Variants in PLEKHG7 observed in about 807,000 individuals in gnomAD.
PLEKHG7 encodes the protein pleckstrin homology domain-containing family G member 7.
PLEKHG7 carries 77 observed loss-of-function variants against 85.2 expected under a neutral mutation model. That is an observed-to-expected ratio of 0.90 (90% confidence interval 0.75 to 1.09). PLEKHG7 has a LOEUF of 1.09. Ranked by LOEUF, PLEKHG7 falls within the 50% of genes least tolerant of loss-of-function variation. PLEKHG7 has a pLI of 0.00. For missense variants in PLEKHG7, 777 were observed against 804.3 expected (o/e 0.97, Z 0.41); for synonymous variants, 301 against 302.4 (o/e 1.00, Z 0.05).
chr12:92,730,451 C>G (rs922998316), intron 4 of PLEKHG7, among the ~76,000 whole-genome samples: 1 of 152,246 alleles, frequency 6.6e-6, no homozygotes, highest in Admixed American at 6.5e-5. Flanking sequence ...CTGCCCACCC[C>G]CAAGACCTTC....
chr12:92,741,704 C>T, intron 9 of PLEKHG7, 112 bp downstream of exon 9: 1 of 646,954 alleles, frequency 1.5e-6, no homozygotes, highest in Non-Finnish European at 2.5e-6. Context: ...TCTACCTCCA[C>T]TCTCCTACAA....
rs751632996 is a variant in PLEKHG7, at chr12:92,756,283, C to A, written c.1543-15C>A. The A allele has an allele frequency of 1.3e-6, 2 of 1,566,442 alleles. No individual in the cohort carries two copies. Among genetic ancestry groups the A allele is most frequent in the Admixed American group, 1.7e-5 (1 of 59,476 alleles). On this transcript the variant is annotated splice_polypyrimidine_tract_variant and intron_variant, in intron 12 of 16. Coordinates refer to ENST00000344636, the MANE Select transcript of PLEKHG7 (RefSeq NM_001377329.1). ...ACTAACAACATCTCTTTTATTTTCTCGCTTGTTTTACAAGTGTTTGAAACA... is the reference window on the plus strand; with the variant it reads ...ACTAACAACATCTCTTTTATTTTCTAGCTTGTTTTACAAGTGTTTGAAACA...
In PLEKHG7 at chr12:92,764,096, A is replaced by G. The variant is rs78639449; in HGVS notation, c.1772A>G (p.Gln591Arg). ...TGTCCTTCTCTTACTCCTGAGTTGC[A>G]AGCAGTAATAAAAGAGGGTGGTTCG... ...LMCPSLTPELQAVIKEGGSCT... is the reference protein window; with the variant it reads ...LMCPSLTPELRAVIKEGGSCT... The change falls in exon 15 of 17, where the codon CAA (glutamine) becomes CGA (arginine). Residue 591 changes from glutamine (Q) to arginine (R), a missense_variant. By Grantham distance (43) the Gln-to-Arg change is conservative. Coordinates refer to ENST00000344636, the MANE Select transcript of PLEKHG7 (RefSeq NM_001377329.1). The G allele has an allele frequency of 1.2e-4, 197 of 1,613,164 alleles. 2 individuals carry two copies. In the African/African-American group the frequency reaches 2.3e-3, roughly 19 times the overall value.
intron 9 of PLEKHG7, 90 bp from the exon 10 acceptor site, chr12:92,745,388 T>C (rs529495133): frequency 1.2e-6 from 1 of 854,102 alleles, no homozygotes; most frequent in East Asian, 2.4e-5. Context: ...CTGTTCTAGT[T>C]AATGATAAAA....
chr12:92,756,225 G>A (rs1872825793), intron 12 of PLEKHG7, 73 bp from the exon 13 acceptor site: 2 of 1,135,992 alleles, frequency 1.8e-6, no homozygotes, highest in Non-Finnish European at 2.6e-6. Flanking sequence ...GGAGTTAATT[G>A]CCCCAGCTTT....
intron 13 of PLEKHG7, among the ~76,000 whole-genome samples, chr12:92,761,197 T>C (rs1872978861): frequency 6.6e-6 from 1 of 152,212 alleles, no homozygotes; most frequent in Admixed American, 6.5e-5. Flanking sequence ...GCATAATTCA[T>C]AGCAGTGAGA....
At chr12:92,755,757 C>G in intron 11 of PLEKHG7, 68 bp from the exon 12 acceptor site, 3 of 1,044,250 alleles carry the variant, frequency 2.9e-6, no homozygotes, top group African/African-American at 3.2e-5. Flanking sequence ...TCCTGTGGAC[C>G]TTGGTTAAAA....
rs1873218000 is a variant in PLEKHG7 at position 92,766,934 on chromosome 12, A to G, written c.1871-2049A>G. On this transcript the variant is annotated intron_variant, in intron 15 of 16. Transcript: ENST00000344636. ...AATATTTTTCTCATTCCTCGGGCCTATTAACTTGACTAATTAGATACAGTA... is the reference window on the plus strand; with the variant it reads ...AATATTTTTCTCATTCCTCGGGCCTGTTAACTTGACTAATTAGATACAGTA... Among the ~76,000 whole-genome samples the G allele has an allele frequency of 2.0e-5, 3 of 152,188 alleles. No homozygotes were observed. The South Asian group carries it at 6.2e-4, about 32-fold the overall frequency.
chr12:92,758,300 G>A (rs1872892398), intron 13 of PLEKHG7, among the ~76,000 whole-genome samples: 1 of 152,222 alleles, frequency 6.6e-6, no homozygotes, highest in African/African-American at 2.4e-5. Context: ...AAGGATATGG[G>A]AGACATTGCA....
intron 10 of PLEKHG7, among the ~76,000 whole-genome samples, chr12:92,750,970 A>G (rs1872677019): frequency 6.6e-6 from 1 of 152,182 alleles, no homozygotes; most frequent in Admixed American, 6.5e-5. Context: ...ATAAAAATAA[A>G]ACAGTTGGAA....
intron 16 of PLEKHG7, among the ~76,000 whole-genome samples, chr12:92,769,643 A>C (rs764982794): frequency 9.2e-5 from 14 of 152,174 alleles, no homozygotes; most frequent in Non-Finnish European, 1.6e-4. Flanking sequence ...GTAGGCTTTC[A>C]TCATATCTAC....
chr12:92,744,971 T>C (rs1872487032), intron 9 of PLEKHG7, among the ~76,000 whole-genome samples: 1 of 152,220 alleles, frequency 6.6e-6, no homozygotes, highest in African/African-American at 2.4e-5. Context: ...CCAGCCAAGA[T>C]GTCCAAAATT....
chr12:92,734,793 A>G (rs1223661244), intron 5 of PLEKHG7, among the ~76,000 whole-genome samples: 1 of 152,148 alleles, frequency 6.6e-6, no homozygotes, highest in Non-Finnish European at 1.5e-5. Flanking sequence ...CATGTCACCA[A>G]TGACTACTGT....
At chr12:92,716,413 A>G (rs929051087) in intron 3 of PLEKHG7, among the ~76,000 whole-genome samples, 3 of 152,224 alleles carry the variant, frequency 2.0e-5, no homozygotes, top group Non-Finnish European at 2.9e-5. Flanking sequence ...ATGTAACCTG[A>G]CAATGTGTAA....
chr12:92,711,887 G>A (rs1871373903), intron 3 of PLEKHG7, among the ~76,000 whole-genome samples: 2 of 152,194 alleles, frequency 1.3e-5, no homozygotes, highest in African/African-American at 4.8e-5. Context: ...CGATAAATGG[G>A]CCAGAGTAAC....
intron 4 of PLEKHG7, among the ~76,000 whole-genome samples, chr12:92,731,971 A>G (rs919337221): frequency 5.3e-5 from 8 of 152,222 alleles, no homozygotes; most frequent in Non-Finnish European, 1.2e-4. Context: ...AAAGAGTTTA[A>G]ATAATACACC....
chr12:92,707,621 A>G (rs754538947), intron 2 of PLEKHG7, 29 bp from the exon 3 acceptor site: 2 of 1,610,138 alleles, frequency 1.2e-6, no homozygotes, highest in Admixed American at 3.3e-5. Flanking sequence ...GAGCAAGACT[A>G]AAACATATGT....
chr12:92,769,003 T>G lies in PLEKHG7; in HGVS notation c.1891T>G (p.Phe631Val). Residue 631 changes from phenylalanine (F) to valine (V), a missense_variant, in exon 16 of 17, where the codon TTT becomes GTT. This residue lies in a region of PLEKHG7 where 520 missense variants were observed against 544.0 expected (regional missense o/e 0.96). Transcript: ENST00000344636. ...HVSVFGLRNA[F>V]LIQHENRYRQ... Reference sequence around the variant, plus strand: ...TCTAGTCTTTGGGCTGAGAAATGCTTTTCTTATACAACACGAAAACAGATA... The same window carrying G: ...TCTAGTCTTTGGGCTGAGAAATGCTGTTCTTATACAACACGAAAACAGATA... The G allele has an allele frequency of 6.3e-7, 1 of 1,597,526 alleles. No individual in the cohort carries two copies. The highest frequency in any genetic ancestry group is 8.6e-7 in the Non-Finnish European group (1 of 1,168,706).
intron 9 of PLEKHG7, among the ~76,000 whole-genome samples, chr12:92,743,804 C>T (rs1014772735): frequency 1.3e-5 from 2 of 152,268 alleles, no homozygotes; most frequent in Non-Finnish European, 2.9e-5. Context: ...AGGTGATCCA[C>T]CTGCCTCGGT....
Sources: allele counts gnomAD v4.1 joint callset (sites outside exome capture counted in the v4.1 genomes callset), GRCh38; gene constraint gnomAD v4.1.1; regional missense constraint gnomAD v4.1.1; transcripts MANE v1.5; gene names NCBI Gene and HGNC (gene_info 2026-07-23, HGNC 2026-07-21).